Variants in BAZ1B observed in about 807,000 individuals in gnomAD.
The protein encoded by BAZ1B is bromodomain adjacent to zinc finger domain 1B.
In BAZ1B, 22 loss-of-function variants were observed where a neutral mutation model predicts 153.8. The observed-to-expected ratio is 0.14, with a 90% confidence interval of 0.10 to 0.20. The LOEUF (loss-of-function observed/expected upper bound fraction) is 0.20. BAZ1B is among the 10% of genes least tolerant of loss of function. The pLI is 1.00. For synonymous variants in BAZ1B, 676 were observed against 633.4 expected (o/e 1.07, Z -1.01); for missense variants, 1,325 against 1,799.3 (o/e 0.74, Z 4.77).
intron 6 of BAZ1B, among the ~76,000 whole-genome samples, chr7:73,488,549 C>A (rs996169793): frequency 6.6e-6 from 1 of 151,770 alleles, no homozygotes; most frequent in African/African-American, 2.4e-5. Flanking sequence ...CTGGCCAACA[C>A]GGCAAAACCC....
chr7:73,482,324 C>A (rs1385301402), intron 6 of BAZ1B, among the ~76,000 whole-genome samples: 5 of 152,102 alleles, frequency 3.3e-5, no homozygotes, highest in African/African-American at 1.2e-4. Context: ...ATGGCAGAGA[C>A]CATCCAAATT....
At chr7:73,495,943 C>A (rs1789861482) in intron 4 of BAZ1B, among the ~76,000 whole-genome samples, 1 of 152,138 alleles carries the variant, frequency 6.6e-6, no homozygotes, top group Non-Finnish European at 1.5e-5. Context: ...TCTATGCAAC[C>A]AAGCCCTATG....
At chr7:73,471,242 T>C (rs914787891) in intron 7 of BAZ1B, among the ~76,000 whole-genome samples, 45 of 152,218 alleles carry the variant, frequency 3.0e-4, no homozygotes, top group African/African-American at 1.1e-3. Flanking sequence ...ATAGCCCTGA[T>C]GACAAGAAAA....
intron 3 of BAZ1B, among the ~76,000 whole-genome samples, chr7:73,502,011 C>T (rs1554577206): frequency 6.6e-6 from 1 of 151,824 alleles, no homozygotes; most frequent in Non-Finnish European, 1.5e-5. Flanking sequence ...CTGTCTCAGC[C>T]TTCCAAGTAG....
intron 1 of BAZ1B, among the ~76,000 whole-genome samples, chr7:73,520,210 CAA>C (rs1158487602): frequency 1.7e-4 from 10 of 57,382 alleles, no homozygotes; most frequent in Admixed American, 3.8e-4. Flanking sequence ...AACTCCGTCT[CAA>C]AAAAAAAAAA....
At chr7:73,467,776 T>C (rs374613393) in intron 9 of BAZ1B, among the ~76,000 whole-genome samples, 37 of 152,254 alleles carry the variant, frequency 2.4e-4, no homozygotes, top group African/African-American at 8.4e-4. Context: ...CCCAATCTTG[T>C]CTCGGGGACA....
Position 73,478,271 on chromosome 7 carries a change from T to C in BAZ1B, c.1190A>G (p.His397Arg), listed in dbSNP as rs184745405. The C allele has an allele frequency of 1.2e-6, 2 of 1,614,256 alleles. No individual in the cohort carries two copies. Among genetic ancestry groups the C allele is most frequent in the African/African-American group, 1.3e-5 (1 of 75,072 alleles). ...KGPPAKKPGK[H>R]SDKPLKAKGR... ...CTTTGCCTTCAAAGGCTTGTCACTG[T>C]GCTTCCCTGGTTTCTTGGCAGGTGG... is the stretch of plus-strand genomic sequence containing the variant. The change falls in exon 7 of 20, where the codon CAC becomes CGC. Residue 397 changes from histidine to arginine, a missense_variant. His to Arg is a conservative substitution (Grantham distance 29, BLOSUM62 0). Coordinates refer to ENST00000339594, the MANE Select transcript of BAZ1B (RefSeq NM_032408.4).
At chr7:73,456,028 TAC>T (rs1788185982) in intron 13 of BAZ1B, among the ~76,000 whole-genome samples, 2 of 152,188 alleles carry the variant, frequency 1.3e-5, no homozygotes, top group Non-Finnish European at 2.9e-5. Flanking sequence ...ATATTTTACT[TAC>T]CTCTCATTTT....
intron 11 of BAZ1B, among the ~76,000 whole-genome samples, chr7:73,464,724 T>G (rs926309944): frequency 2.6e-5 from 4 of 151,922 alleles, no homozygotes; most frequent in African/African-American, 9.7e-5. Context: ...ATTTTGGGGG[T>G]TTTTTGTTTC....
intron 11 of BAZ1B, chr7:73,464,280 T>A (rs1788497272): frequency 4.6e-6 from 2 of 437,432 alleles, no homozygotes; most frequent in African/African-American, 4.3e-5. Flanking sequence ...TTGATAGAAA[T>A]AATGTCTACA....
intron 6 of BAZ1B, among the ~76,000 whole-genome samples, chr7:73,487,871 C>T (rs782316687): frequency 1.4e-4 from 21 of 152,256 alleles, no homozygotes; most frequent in Non-Finnish European, 2.2e-4. Flanking sequence ...ATTTAAAGAG[C>T]ATAACAGAAG....
chr7:73,450,980 C>T lies in BAZ1B; in HGVS notation c.3447G>A (p.Leu1149=). The stretch of plus-strand genomic sequence containing the variant: ...CCCGGATTGCTGTCTTCCATTTCTC[C>T]AGTGCAGATGCAACCTAAACAGAGA... ...MVEEAKVASA[L]EKWKTAIREA... Residue 1149 remains leucine (L), a synonymous_variant, in exon 14 of 20, where the codon CTG becomes CTA. Coordinates refer to ENST00000339594, the MANE Select transcript of BAZ1B (RefSeq NM_032408.4). The surrounding 1 kb of genome is among the most constrained non-coding windows in gnomAD (Gnocchi z 4.1). 1.9e-6 allele frequency: 3 copies of T among 1,614,150 alleles called. No individual in the cohort carries two copies. Among genetic ancestry groups the T allele is most frequent in the Non-Finnish European group, 2.5e-6 (3 of 1,180,034 alleles).
intron 3 of BAZ1B, among the ~76,000 whole-genome samples, chr7:73,502,257 A>C (rs1790163052): frequency 6.6e-6 from 1 of 152,088 alleles, no homozygotes; most frequent in Non-Finnish European, 1.5e-5. Context: ...CAGCACCCAA[A>C]ACATGCTATC....
intron 6 of BAZ1B, 77 bp downstream of exon 6, chr7:73,489,117 T>C (rs932232182): frequency 2.1e-6 from 3 of 1,427,070 alleles, no homozygotes; most frequent in East Asian, 4.7e-5. Flanking sequence ...AAACCTGCTA[T>C]AAATATAAAT....
At chr7:73,474,260 A>G (rs1788919892) in intron 7 of BAZ1B, among the ~76,000 whole-genome samples, 1 of 152,186 alleles carries the variant, frequency 6.6e-6, no homozygotes, top group South Asian at 2.1e-4. Context: ...CTGGACTTTT[A>G]CCTTACACTA....
At chr7:73,506,750 C>T (rs1790358913) in intron 3 of BAZ1B, among the ~76,000 whole-genome samples, 1 of 145,518 alleles carries the variant, frequency 6.9e-6, no homozygotes, top group Admixed American at 7.0e-5. Flanking sequence ...ACTCGGGAGG[C>T]TGAGGCAGGA....
At chr7:73,483,791 G>A (rs1036492062) in intron 6 of BAZ1B, among the ~76,000 whole-genome samples, 1 of 151,916 alleles carries the variant, frequency 6.6e-6, no homozygotes, top group African/African-American at 2.4e-5. Context: ...AGAGGCACAC[G>A]CCACCACACC....
chr7:73,505,363 G>C (rs1478414939), intron 3 of BAZ1B, among the ~76,000 whole-genome samples: 1 of 152,154 alleles, frequency 6.6e-6, no homozygotes, highest in Admixed American at 6.5e-5. Context: ...CAGAAAGACA[G>C]AGAAAGTCTA....
At chr7:73,500,466 C>A (rs1790081663) in intron 3 of BAZ1B, among the ~76,000 whole-genome samples, 1 of 152,234 alleles carries the variant, frequency 6.6e-6, no homozygotes, top group Non-Finnish European at 1.5e-5. Context: ...TCACTTGAGC[C>A]TGGGACGTTG....
Sources: allele counts gnomAD v4.1 joint callset (sites outside exome capture counted in the v4.1 genomes callset), GRCh38; gene constraint gnomAD v4.1.1; non-coding constraint Gnocchi (gnomAD v3.1); transcripts MANE v1.5; gene names NCBI Gene and HGNC (gene_info 2026-07-23, HGNC 2026-07-21).